The following LINGO2 variants were observed in gnomAD, a reference collection of about 807,000 sequenced individuals.
LINGO2 encodes leucine-rich repeat and immunoglobulin-like domain-containing nogo receptor-interacting protein 2.
A neutral mutation model predicts 30.6 loss-of-function variants in LINGO2; 14 were observed. That is an observed-to-expected ratio of 0.46 (90% CI 0.30 to 0.72). LINGO2 has a LOEUF of 0.72. Among genes scored for constraint, LINGO2 ranks in the 30% least tolerant of loss-of-function variants. LINGO2 has a pLI of 0.07. For synonymous variants in LINGO2, 317 were observed against 288.5 expected (o/e 1.10, Z -1.00); for missense variants, 729 against 751.7 (o/e 0.97, Z 0.35).
intron 1 of LINGO2, among the ~76,000 whole-genome samples, chr9:28,649,504 G>A (rs1364667779): frequency 6.6e-6 from 1 of 152,122 alleles, no homozygotes; most frequent in Admixed American, 6.6e-5. Flanking sequence ...TAACCATTAT[G>A]CTGCCTCCTA....
chr9:28,151,235 A>C (rs1191721026), intron 4 of LINGO2, among the ~76,000 whole-genome samples: 1 of 152,128 alleles, frequency 6.6e-6, no homozygotes, highest in Non-Finnish European at 1.5e-5. Flanking sequence ...TTAGGAAATC[A>C]ATAACTATAA....
At chr9:28,221,298 TAAAAAAAAAAAAA>T (rs141151588) in intron 4 of LINGO2, among the ~76,000 whole-genome samples, 9 of 83,738 alleles carry the variant, frequency 1.1e-4, no homozygotes, top group African/African-American at 3.5e-4. Flanking sequence ...AGACCCCGTC[TAAAAAAAAAAAAA>T]AAAAAAAAAA....
chr9:28,881,790 T>C, the LINGO2 span, among the ~76,000 whole-genome samples: 1 of 152,200 alleles, frequency 6.6e-6, no homozygotes, highest in Non-Finnish European at 1.5e-5. Flanking sequence ...CCTGATCTTC[T>C]CCCTTCTACC....
intron 1 of LINGO2, among the ~76,000 whole-genome samples, chr9:28,621,018 A>T (rs992507212): frequency 7.9e-5 from 12 of 152,070 alleles, no homozygotes; most frequent in Non-Finnish European, 1.6e-4. Flanking sequence ...AGTGCAAGAA[A>T]TGTCTAAAAA....
At chr9:28,598,174 T>C (rs1284608434) in intron 1 of LINGO2, among the ~76,000 whole-genome samples, 1 of 152,124 alleles carries the variant, frequency 6.6e-6, no homozygotes, top group Non-Finnish European at 1.5e-5. Context: ...TCACACTTAA[T>C]TCCAAAGGAA....
the LINGO2 span, among the ~76,000 whole-genome samples, chr9:28,843,494 A>T: frequency 6.6e-6 from 1 of 151,834 alleles, no homozygotes; most frequent in African/African-American, 2.4e-5. Flanking sequence ...AGAAAAATAA[A>T]AAGAGATAAG....
chr9:28,094,024 C>T (rs1420929144), intron 4 of LINGO2, among the ~76,000 whole-genome samples: 1 of 152,058 alleles, frequency 6.6e-6, no homozygotes, highest in Non-Finnish European at 1.5e-5. Context: ...GGACCTGGCA[C>T]ATGCTAGGCA....
At chr9:28,755,568 T>C in the LINGO2 span, among the ~76,000 whole-genome samples, 1 of 152,116 alleles carries the variant, frequency 6.6e-6, no homozygotes, top group African/African-American at 2.4e-5. Context: ...GCATAAATAC[T>C]TTTAATTCTC....
chr9:28,722,651 A>G, the LINGO2 span, among the ~76,000 whole-genome samples: 5 of 152,166 alleles, frequency 3.3e-5, no homozygotes, highest in Non-Finnish European at 5.9e-5. Flanking sequence ...TGAAACAGGA[A>G]TGCTAAAAAT....
the LINGO2 span, among the ~76,000 whole-genome samples, chr9:28,912,406 G>A: frequency 6.6e-6 from 1 of 151,686 alleles, no homozygotes. Context: ...CTCTCTCCAT[G>A]CCTGGTAAGC....
chr9:29,144,316 T>G, the LINGO2 span, among the ~76,000 whole-genome samples: 1 of 152,090 alleles, frequency 6.6e-6, no homozygotes, highest in Non-Finnish European at 1.5e-5. Flanking sequence ...GGAAGTTTAA[T>G]GGGGAACAGC....
chr9:28,704,772 T>C, the LINGO2 span, among the ~76,000 whole-genome samples: 1 of 152,146 alleles, frequency 6.6e-6, no homozygotes, highest in African/African-American at 2.4e-5. Flanking sequence ...AGAATTTCAA[T>C]CTCTCTGCTT....
At chr9:28,383,193 G>A (rs139236091) in intron 2 of LINGO2, among the ~76,000 whole-genome samples, 20 of 151,840 alleles carry the variant, frequency 1.3e-4, no homozygotes, top group Admixed American at 2.6e-4. Flanking sequence ...CTGCCCACGT[G>A]GGTTGCTAGC....
intron 4 of LINGO2, among the ~76,000 whole-genome samples, chr9:28,127,072 T>C (rs1183475528): frequency 1.3e-5 from 2 of 152,192 alleles, no homozygotes; most frequent in African/African-American, 4.8e-5. Context: ...CCTTAGGTAT[T>C]AGGTAGATGA....
intron 3 of LINGO2, among the ~76,000 whole-genome samples, chr9:28,317,500 A>C (rs139448888): frequency 6.6e-5 from 10 of 152,298 alleles, no homozygotes; most frequent in African/African-American, 2.4e-4. Context: ...TTGGAAGCAA[A>C]ATATGTAAAA....
chr9:28,032,477 A>G (rs1043148532), intron 4 of LINGO2, among the ~76,000 whole-genome samples: 6 of 152,220 alleles, frequency 3.9e-5, no homozygotes, highest in Non-Finnish European at 7.3e-5. Context: ...CAGGCAATCA[A>G]TGGTGAATCT....
intron 3 of LINGO2, among the ~76,000 whole-genome samples, chr9:28,321,673 C>G (rs1825047427): frequency 6.6e-6 from 1 of 152,186 alleles, no homozygotes. Context: ...ACTATAGGAC[C>G]TGTCCCATTC....
the LINGO2 span, among the ~76,000 whole-genome samples, chr9:29,117,074 A>T: frequency 4.6e-5 from 7 of 152,226 alleles, no homozygotes; most frequent in African/African-American, 1.7e-4. Flanking sequence ...AGAATTATGT[A>T]ACACAATTAC....
chr9:29,032,170 G>A, the LINGO2 span, among the ~76,000 whole-genome samples: 3 of 152,232 alleles, frequency 2.0e-5, no homozygotes, highest in Non-Finnish European at 4.4e-5. Context: ...CATGGAGGAC[G>A]GAGATTAATA....
Sources: allele counts gnomAD v4.1 joint callset (sites outside exome capture counted in the v4.1 genomes callset), GRCh38; gene constraint gnomAD v4.1.1; transcripts MANE v1.5; gene names NCBI Gene and HGNC (gene_info 2026-07-23, HGNC 2026-07-21).